XPO6: variants seen among roughly 807,000 people sequenced by gnomAD.
XPO6 encodes the protein exportin-6.
A neutral mutation model predicts 130.0 loss-of-function variants in XPO6; 3 were observed. That is an observed-to-expected ratio of 0.02 (90% confidence interval 0.01 to 0.06). XPO6 has a LOEUF of 0.06. Ranked by LOEUF, XPO6 falls within the 10% of genes least tolerant of loss-of-function variation. XPO6 has a pLI of 1.00. For synonymous variants in XPO6, 524 were observed against 548.9 expected (o/e 0.95, Z 0.63); for missense variants, 970 against 1,393.0 (o/e 0.70, Z 4.83).
intron 9 of XPO6, among the ~76,000 whole-genome samples, chr16:28,137,122 G>T (rs2042795963): frequency 6.6e-6 from 1 of 152,214 alleles, no homozygotes; most frequent in Non-Finnish European, 1.5e-5. Context: ...CTAGTATCGT[G>T]CACCCTCAGA....
intron 4 of XPO6, among the ~76,000 whole-genome samples, chr16:28,174,879 A>C (rs1441336122): frequency 6.6e-6 from 1 of 152,192 alleles, no homozygotes; most frequent in African/African-American, 2.4e-5. Flanking sequence ...AAATGTTTCC[A>C]ACTTGATCAC....
chr16:28,160,869 A>T (rs1333926906), intron 6 of XPO6, among the ~76,000 whole-genome samples: 1 of 152,250 alleles, frequency 6.6e-6, no homozygotes, highest in Non-Finnish European at 1.5e-5. Flanking sequence ...ATGTTAGCAT[A>T]ACATTTTTAA....
chr16:28,139,719 G>C (rs2042850710), intron 9 of XPO6, among the ~76,000 whole-genome samples: 1 of 152,062 alleles, frequency 6.6e-6, no homozygotes, highest in Non-Finnish European at 1.5e-5. Flanking sequence ...TATATATACT[G>C]TAATACCCAG....
At chr16:28,210,892 G>T (rs2044118560) in intron 1 of XPO6, among the ~76,000 whole-genome samples, 1 of 152,184 alleles carries the variant, frequency 6.6e-6, no homozygotes, top group African/African-American at 2.4e-5. Context: ...TATTAGAGAT[G>T]CCTAGGTTCA....
intron 6 of XPO6, among the ~76,000 whole-genome samples, chr16:28,164,963 T>A (rs1052987288): frequency 2.6e-5 from 4 of 152,206 alleles, no homozygotes; most frequent in Non-Finnish European, 5.9e-5. Context: ...ACACCTGTAA[T>A]CCCAGAAATC....
chr16:28,109,916 C>T (rs1169693404), intron 17 of XPO6, among the ~76,000 whole-genome samples: 1 of 152,194 alleles, frequency 6.6e-6, no homozygotes, highest in African/African-American at 2.4e-5. Context: ...ACTTAAACAG[C>T]TGGCTTTTAA....
chr16:28,116,177 C>T (rs1021521783), intron 15 of XPO6, among the ~76,000 whole-genome samples: 5 of 152,194 alleles, frequency 3.3e-5, no homozygotes, highest in African/African-American at 1.2e-4. Flanking sequence ...GAGCCTTTGG[C>T]CAGGCCGGGC....
chr16:28,151,645 A>G (rs2043092170), intron 8 of XPO6, among the ~76,000 whole-genome samples: 1 of 152,192 alleles, frequency 6.6e-6, no homozygotes, highest in South Asian at 2.1e-4. Context: ...GGTTACATGC[A>G]TATGTCAATT....
At chr16:28,178,561 G>A (rs987553443) in intron 2 of XPO6, among the ~76,000 whole-genome samples, 2 of 151,410 alleles carry the variant, frequency 1.3e-5, no homozygotes, top group Non-Finnish European at 2.9e-5. Context: ...GAATAGCTAG[G>A]ATTATAAGCA....
In XPO6 at chr16:28,123,149, G is replaced by A. The variant is rs184978343; in HGVS notation, c.1767-1387C>T. On this transcript the variant is annotated intron_variant, in intron 13 of 23. Coordinates refer to ENST00000304658, the MANE Select transcript of XPO6 (RefSeq NM_015171.4). ...AGAAAGCGTCTTGCTCTGTCAACCA[G>A]GCCAGAGGATTGTAGTGATCTTGGC... Among the ~76,000 whole-genome samples the A allele has an allele frequency of 1.9e-3, 293 of 152,184 alleles. 4 individuals are homozygous for A. Among genetic ancestry groups the A allele is most frequent in the African/African-American group, 6.7e-3 (276 of 41,454 alleles).
At chr16:28,200,438 T>A (rs2043936741) in intron 1 of XPO6, among the ~76,000 whole-genome samples, 1 of 152,162 alleles carries the variant, frequency 6.6e-6, no homozygotes. Context: ...TGTCCTGTAA[T>A]ATGGACCAGC....
chr16:28,160,506 A>AAAAAAAAT, intron 6 of XPO6, among the ~76,000 whole-genome samples: 1 of 147,846 alleles, frequency 6.8e-6, no homozygotes. Flanking sequence ...TCCATCACCA[A>AAAAAAAAT]AAAAAAAAAA....
At chr16:28,131,979 A>G (rs564672946) in intron 12 of XPO6, among the ~76,000 whole-genome samples, 3 of 152,240 alleles carry the variant, frequency 2.0e-5, no homozygotes, top group Non-Finnish European at 4.4e-5. Context: ...CCAATTCTAA[A>G]GTGAGCAGGA....
At chr16:28,176,714 T>G (rs1375072217) in intron 3 of XPO6, among the ~76,000 whole-genome samples, 2 of 151,542 alleles carry the variant, frequency 1.3e-5, no homozygotes, top group East Asian at 3.9e-4. Flanking sequence ...TTCACCTTAT[T>G]AGCCAGGATG....
chr16:28,186,371 A>ATCCTTTTTTTTTTTTT (rs2043692526), intron 1 of XPO6, among the ~76,000 whole-genome samples: 2 of 10,126 alleles, frequency 2.0e-4, no homozygotes, highest in African/African-American at 8.2e-4. Context: ...TGCCCCAGTT[A>ATCCTTTTTTTTTTTTT]TTCTTTTTTT....
chr16:28,151,381 G>A (rs1308906573), intron 8 of XPO6, among the ~76,000 whole-genome samples: 1 of 152,110 alleles, frequency 6.6e-6, no homozygotes, highest in African/African-American at 2.4e-5. Flanking sequence ...CTTAACAACA[G>A]CACAACGAAA....
Position 28,098,387 on chromosome 16 carries a change from A to G in XPO6, c.*151T>C. The stretch of plus-strand genomic sequence containing the variant: ...GCCAGCTCTGCTGGGCAGCGGCAAG[A>G]TGTGGAGGAGCGGCAGAGGCAGGCA... On this transcript the variant is annotated 3_prime_UTR_variant, in exon 24 of 24. Transcript: ENST00000304658. 2 of 654,582 alleles carry G rather than the reference A, an allele frequency of 3.1e-6. No individual in the cohort carries two copies. The allele number at this position is 654,582 out of a possible 1,614,324, so 40.5% of individuals were successfully genotyped here. A position where few individuals can be genotyped will look rare whatever the true frequency, so the allele number is the denominator to read the frequency against.
chr16:28,167,018 A>AT (rs2043367709), intron 5 of XPO6: 1 of 629,752 alleles, frequency 1.6e-6, no homozygotes, highest in East Asian at 1.4e-4. Context: ...TCCTCTGCCC[A>AT]TGAGTCATTT....
chr16:28,172,258 C>T (rs906101295), intron 4 of XPO6, among the ~76,000 whole-genome samples: 1 of 152,214 alleles, frequency 6.6e-6, no homozygotes, highest in Non-Finnish European at 1.5e-5. Flanking sequence ...TCTCCCTTTA[C>T]CATCTTCACA....
Sources: allele counts gnomAD v4.1 joint callset (sites outside exome capture counted in the v4.1 genomes callset), GRCh38; gene constraint gnomAD v4.1.1; transcripts MANE v1.5; gene names NCBI Gene and HGNC (gene_info 2026-07-23, HGNC 2026-07-21).